Variants in KYAT3 observed in about 807,000 individuals in gnomAD.
KYAT3 encodes kynurenine aminotransferase 3, also known as kynurenine--oxoglutarate transaminase 3.
A neutral mutation model predicts 59.0 loss-of-function variants in KYAT3; 50 were observed. That is an observed-to-expected ratio of 0.85 (90% CI 0.68 to 1.07). The LOEUF (loss-of-function observed/expected upper bound fraction) is 1.07, where lower values mean the gene tolerates loss of function less well. KYAT3 is among the 50% of genes least tolerant of loss of function. KYAT3 has a pLI of 0.00. For missense variants in KYAT3, 497 were observed against 533.3 expected, an observed-to-expected ratio of 0.93 and a Z score of 0.67; for synonymous variants, 148 against 177.0, an observed-to-expected ratio of 0.84 and a Z score of 1.30.
At chr1:88,948,994 G>T in intron 11 of KYAT3, 97 bp downstream of exon 11, 1 of 966,808 alleles carries the variant, frequency 1.0e-6, no homozygotes, top group Non-Finnish European at 1.5e-6. Flanking sequence ...CAGATAAAAT[G>T]CTGCTGTGGC....
At chr1:88,923,025 A>G in the KYAT3 span, among the ~76,000 whole-genome samples, 1 of 151,144 alleles carries the variant, frequency 6.6e-6, no homozygotes, top group Admixed American at 6.6e-5. Context: ...GAGAAGACAG[A>G]ACTGTGAAAT....
At chr1:88,960,217 G>A (rs901386556) in intron 8 of KYAT3, among the ~76,000 whole-genome samples, 44 of 151,846 alleles carry the variant, frequency 2.9e-4, no homozygotes, top group African/African-American at 1.0e-3. Context: ...TTACAGGCAT[G>A]AGCCACTGTA....
intron 13 of KYAT3, among the ~76,000 whole-genome samples, 168 bp downstream of exon 13, chr1:88,942,837 C>T (rs915126809): frequency 6.6e-6 from 1 of 152,104 alleles, no homozygotes; most frequent in Non-Finnish European, 1.5e-5. Context: ...GCTGCGATTA[C>T]AGGCATGAGC....
At chr1:88,992,406 G>C (rs548356434) in intron 1 of KYAT3, among the ~76,000 whole-genome samples, 179 bp downstream of exon 1, 1 of 152,334 alleles carries the variant, frequency 6.6e-6, no homozygotes, top group African/African-American at 2.4e-5. Context: ...CAGTCACCTC[G>C]GCGCCTTCCC....
intron 5 of KYAT3, 23 bp from the exon 6 acceptor site, chr1:88,962,168 C>T (rs757479599): frequency 9.2e-5 from 135 of 1,474,382 alleles, no homozygotes; most frequent in Non-Finnish European, 1.3e-4. Context: ...CAAATAAGAT[C>T]ACAACCTGTC....
At chr1:88,925,894 C>T in the KYAT3 span, among the ~76,000 whole-genome samples, 43 of 152,180 alleles carry the variant, frequency 2.8e-4, no homozygotes, top group African/African-American at 9.9e-4. Context: ...TGAAGGTCTT[C>T]TCCCTGACCC....
chr1:88,969,663 T>A (rs1481761688), intron 2 of KYAT3, among the ~76,000 whole-genome samples, 196 bp from the exon 3 acceptor site: 1 of 152,116 alleles, frequency 6.6e-6, no homozygotes, highest in East Asian at 1.9e-4. Flanking sequence ...GCCTTTTTTT[T>A]TTTTCTCAGA....
intron 2 of KYAT3, among the ~76,000 whole-genome samples, chr1:88,971,658 A>G (rs1676562425): frequency 6.6e-6 from 1 of 152,092 alleles, no homozygotes. Flanking sequence ...CCTGGGGGAG[A>G]TCATGCCCTT....
the KYAT3 span, among the ~76,000 whole-genome samples, chr1:88,924,205 C>T: frequency 6.6e-6 from 1 of 152,228 alleles, no homozygotes; most frequent in East Asian, 1.9e-4. Flanking sequence ...GTGCCTGTGG[C>T]CACTCCACCT....
chr1:88,953,280 C>T (rs1289847266), intron 9 of KYAT3, 128 bp from the exon 10 acceptor site: 31 of 645,990 alleles, frequency 4.8e-5, no homozygotes, highest in Admixed American at 2.4e-4. Flanking sequence ...TATGGTGACT[C>T]ACACCTGTAA....
rs148895351 is a variant in KYAT3 at position 88,940,748 on chromosome 1, C to T, written c.1302+2257G>A. Among the ~76,000 whole-genome samples, 411 of 152,300 alleles carry T rather than the reference C, an allele frequency of 2.7e-3. 2 individuals are homozygous for T. The highest frequency in any genetic ancestry group is 9.5e-3 in the African/African-American group (394 of 41,560). On this transcript the variant is annotated intron_variant, in intron 13 of 13. Coordinates refer to ENST00000260508, the MANE Select transcript of KYAT3 (RefSeq NM_001008661.3). ...GAAATCTATAGACCAACCAGAGTCT[C>T]CTTTCCACCTTGCCTTACATAGTTT...
At chr1:88,972,100 G>A (rs1245760767) in intron 2 of KYAT3, among the ~76,000 whole-genome samples, 1 of 152,210 alleles carries the variant, frequency 6.6e-6, no homozygotes, top group Non-Finnish European at 1.5e-5. Flanking sequence ...ACTGGCTTAT[G>A]TGTTTGTGAG....
At chr1:88,990,585 C>T (rs1677733917) in intron 1 of KYAT3, among the ~76,000 whole-genome samples, 1 of 152,238 alleles carries the variant, frequency 6.6e-6, no homozygotes, top group African/African-American at 2.4e-5. Context: ...TACAATCTCT[C>T]ATTTATCTCC....
At chr1:88,946,256 GC>G (rs1292990345) in intron 11 of KYAT3, among the ~76,000 whole-genome samples, 5 of 152,004 alleles carry the variant, frequency 3.3e-5, no homozygotes, top group African/African-American at 1.2e-4. Context: ...TCAAGTTAAT[GC>G]TAATTACAAT....
At chr1:88,966,184 G>A (rs148977766) in intron 4 of KYAT3, among the ~76,000 whole-genome samples, 1 of 152,232 alleles carries the variant, frequency 6.6e-6, no homozygotes, top group African/African-American at 2.4e-5. Flanking sequence ...ATATACCTAT[G>A]TATTTACAAA....
chr1:88,932,933 A>G (rs927995156), downstream of KYAT3, among the ~76,000 whole-genome samples: 5 of 152,148 alleles, frequency 3.3e-5, no homozygotes. Flanking sequence ...TGGTTATTCC[A>G]TCCAATCACA....
At chr1:88,948,359 T>C (rs1675531586) in intron 11 of KYAT3, among the ~76,000 whole-genome samples, 1 of 152,240 alleles carries the variant, frequency 6.6e-6, no homozygotes, top group Non-Finnish European at 1.5e-5. Context: ...AAATTAGGCT[T>C]CAAGGTTTAC....
the KYAT3 span, among the ~76,000 whole-genome samples, chr1:88,930,425 C>T: frequency 6.6e-6 from 1 of 152,128 alleles, no homozygotes; most frequent in Non-Finnish European, 1.5e-5. Context: ...ACTTAACTGT[C>T]AGCAAGTAAT....
chr1:88,962,094 C>T lies in KYAT3; in HGVS notation c.505G>A (p.Ala169Thr). The change falls in exon 6 of 14, where the codon GCT becomes ACT. Residue 169 changes from alanine (A) to threonine (T), a missense_variant. Around this residue, in one of 2 missense-constraint regions of KYAT3, gnomAD observed 469 missense variants for 479.1 expected, o/e 0.98. Coordinates refer to ENST00000260508, the MANE Select transcript of KYAT3 (RefSeq NM_001008661.3). The part of the protein sequence containing the change: ...YDCYEPMVRM[A>T]GATPVFIPLR... ...GGAATAAAAACAGGTGTTGCTCCAG[C>T]CATTCTCACCATGGGCTCATAGCAG... The T allele has an allele frequency of 6.2e-7, 1 of 1,613,998 alleles. No individual in the cohort carries two copies. Among genetic ancestry groups the T allele is most frequent in the Non-Finnish European group, 8.5e-7 (1 of 1,179,934 alleles).
Sources: gnomAD v4.1 joint callset for allele counts (sites outside exome capture counted in the v4.1 genomes callset) on GRCh38, gnomAD v4.1.1 for gene constraint, gnomAD v4.1.1 regional missense constraint, MANE v1.5 for transcripts, NCBI Gene and HGNC (gene_info 2026-07-23, HGNC 2026-07-21) for gene names.